ANKRD30B: variants seen among roughly 807,000 people sequenced by gnomAD.
ANKRD30B encodes the protein ankyrin repeat domain-containing protein 30B.
A neutral mutation model predicts 202.2 loss-of-function variants in ANKRD30B; 144 were observed. The observed-to-expected ratio is 0.71, with a 90% CI of 0.62 to 0.82. The LOEUF (loss-of-function observed/expected upper bound fraction) is 0.82. Ranked by LOEUF, ANKRD30B falls within the 40% of genes least tolerant of loss-of-function variation. The pLI, the probability that ANKRD30B is intolerant of heterozygous loss-of-function variation, is 0.00. For missense variants in ANKRD30B, 1,487 were observed against 1,669.1 expected (o/e 0.89, Z 1.90); for synonymous variants, 508 against 561.3 (o/e 0.91, Z 1.34).
chr18:14,841,770 T>C (rs1971428651), intron 37 of ANKRD30B, among the ~76,000 whole-genome samples: 1 of 152,138 alleles, frequency 6.6e-6, no homozygotes, highest in South Asian at 2.1e-4. Context: ...TTCAGATGCA[T>C]TTACAATATT....
At chr18:14,764,425 T>C (rs1915765781) in intron 7 of ANKRD30B, among the ~76,000 whole-genome samples, 1 of 152,142 alleles carries the variant, frequency 6.6e-6, no homozygotes, top group Non-Finnish European at 1.5e-5. Context: ...AGTCTCGCAC[T>C]GTTGCCTGGG....
intron 11 of ANKRD30B, among the ~76,000 whole-genome samples, chr18:14,781,666 C>T (rs1967762885): frequency 1.9e-5 from 1 of 52,232 alleles, no homozygotes; most frequent in Non-Finnish European, 4.4e-5. Context: ...CCTTGCAGAC[C>T]CCTGACCCAG....
intron 32 of ANKRD30B, among the ~76,000 whole-genome samples, chr18:14,827,263 G>T (rs556113867): frequency 6.6e-6 from 1 of 152,146 alleles, no homozygotes; most frequent in Non-Finnish European, 1.5e-5. Flanking sequence ...GATGGAACAG[G>T]ATGCCTTAAT....
intron 33 of ANKRD30B, among the ~76,000 whole-genome samples, chr18:14,828,968 C>T (rs1970786570): frequency 6.6e-6 from 1 of 152,126 alleles, no homozygotes; most frequent in Admixed American, 6.5e-5. Context: ...TTATAGAATT[C>T]TCTATTTACT....
the ANKRD30B span, among the ~76,000 whole-genome samples, chr18:14,922,930 T>G: frequency 1.3e-5 from 2 of 152,150 alleles, no homozygotes; most frequent in Non-Finnish European, 2.9e-5. Flanking sequence ...GGAAACCAGC[T>G]CAGCCACAGT....
At chr18:14,826,673 T>C (rs1278510763) in intron 32 of ANKRD30B, among the ~76,000 whole-genome samples, 2 of 120,142 alleles carry the variant, frequency 1.7e-5, no homozygotes, top group East Asian at 2.6e-4. Flanking sequence ...TCTCTCTCTC[T>C]CCCCCTCTCT....
chr18:14,860,192 A>G, the ANKRD30B span, among the ~76,000 whole-genome samples: 14 of 147,952 alleles, frequency 9.5e-5, no homozygotes, highest in Non-Finnish European at 1.8e-4. Context: ...CACCTCCCAG[A>G]TGATGGGCAG....
At chr18:14,875,213 C>T in the ANKRD30B span, among the ~76,000 whole-genome samples, 2 of 152,140 alleles carry the variant, frequency 1.3e-5, no homozygotes, top group South Asian at 2.1e-4. Flanking sequence ...CAGAGCTAAG[C>T]GATTTTGTGT....
At chr18:14,835,953 G>T in intron 34 of ANKRD30B, among the ~76,000 whole-genome samples, 1 of 151,702 alleles carries the variant, frequency 6.6e-6, no homozygotes, top group Admixed American at 6.6e-5. Context: ...AAATATTTCA[G>T]AAATAAATAT....
chr18:14,925,854 G>GGA, the ANKRD30B span, among the ~76,000 whole-genome samples: 3 of 152,216 alleles, frequency 2.0e-5, no homozygotes, highest in South Asian at 4.1e-4. Flanking sequence ...ACCAAAAGAA[G>GGA]GAGGGCACCT....
intron 16 of ANKRD30B, among the ~76,000 whole-genome samples, chr18:14,794,745 A>T (rs957352509): frequency 6.6e-6 from 1 of 152,202 alleles, no homozygotes; most frequent in African/African-American, 2.4e-5. Flanking sequence ...AATCGCTTGG[A>T]CATAAATTGT....
intron 24 of ANKRD30B, among the ~76,000 whole-genome samples, chr18:14,807,937 T>C (rs1969623560): frequency 6.6e-6 from 1 of 151,054 alleles, no homozygotes; most frequent in Non-Finnish European, 1.5e-5. Flanking sequence ...AATACTCCTA[T>C]ATCACAGAGT....
chr18:14,845,283 G>C (rs1971585573), intron 39 of ANKRD30B, among the ~76,000 whole-genome samples: 1 of 152,238 alleles, frequency 6.6e-6, no homozygotes, highest in Non-Finnish European at 1.5e-5. Context: ...GTGTAAGGAA[G>C]TGGTCAACTT....
chr18:14,864,820 C>A, the ANKRD30B span, among the ~76,000 whole-genome samples: 1 of 151,792 alleles, frequency 6.6e-6, no homozygotes. Flanking sequence ...TCCTTGCCAC[C>A]CTTTCCCTTC....
rs1276832069 is a variant in ANKRD30B, at chr18:14,852,049, G to T, written c.4105G>T (p.Ala1369Ser). ...AAGCCCAAAAATTAATCTCAATTAT[G>T]CAGGAGATGATCTAAGAGAAAATGC... is the stretch of plus-strand genomic sequence containing the variant. ...SKSPKINLNY[A>S]GDDLRENALV... The change falls in exon 42 of 44, where the codon GCA (alanine) becomes TCA (serine). Residue 1369 changes from alanine to serine, a missense_variant. By Grantham distance (99) the Ala-to-Ser change is moderately conservative (BLOSUM62 1). This residue lies in a region of ANKRD30B where 182 missense variants were observed against 216.0 expected (regional missense o/e 0.84). Transcript: ENST00000690538. The T allele has an allele frequency of 8.1e-6, 13 of 1,607,578 alleles. No individual in the cohort carries two copies. The highest frequency in any genetic ancestry group is 3.3e-4 in the Middle Eastern group (2 of 6,072).
chr18:14,751,192 A>G (rs1387898432), intron 1 of ANKRD30B, among the ~76,000 whole-genome samples: 1 of 151,946 alleles, frequency 6.6e-6, no homozygotes, highest in Non-Finnish European at 1.5e-5. Flanking sequence ...ATATATGTCA[A>G]TAACTATAGA....
chr18:14,767,217 C>A (rs1354347031), intron 7 of ANKRD30B, among the ~76,000 whole-genome samples: 2 of 151,934 alleles, frequency 1.3e-5, no homozygotes, highest in African/African-American at 2.4e-5. Context: ...GTCTCTCTCT[C>A]ACACAAACAT....
chr18:14,848,165 G>GT, intron 39 of ANKRD30B, among the ~76,000 whole-genome samples: 1 of 151,612 alleles, frequency 6.6e-6, no homozygotes, highest in East Asian at 1.9e-4. Context: ...TTTTTTTTCT[G>GT]TTTTTCAGGG....
intron 8 of ANKRD30B, among the ~76,000 whole-genome samples, chr18:14,771,413 T>C (rs867081111): frequency 1.3e-5 from 2 of 152,166 alleles, no homozygotes; most frequent in South Asian, 2.1e-4. Context: ...ATGAAGATTT[T>C]TAAGGCTTTG....
Sources: allele counts gnomAD v4.1 joint callset (sites outside exome capture counted in the v4.1 genomes callset), GRCh38; gene constraint gnomAD v4.1.1; regional missense constraint gnomAD v4.1.1; transcripts MANE v1.5; gene names NCBI Gene and HGNC (gene_info 2026-07-23, HGNC 2026-07-21).